COL27A1: variants seen among roughly 807,000 people sequenced by gnomAD.
COL27A1 encodes collagen type XXVII alpha 1 chain.
A neutral mutation model predicts 251.3 loss-of-function variants in COL27A1; 106 were observed. That is an observed-to-expected ratio of 0.42 (90% CI 0.36 to 0.50). COL27A1 has a LOEUF of 0.50. Among genes scored for constraint, COL27A1 ranks in the 20% least tolerant of loss-of-function variants. The probability of loss-of-function intolerance (pLI) is 0.00; values close to 1 mark genes in which losing one functional copy is unlikely to be tolerated. For missense variants in COL27A1, 2,325 were observed against 2,522.8 expected (o/e 0.92, Z 1.68); for synonymous variants, 1,000 against 986.3 (o/e 1.01, Z -0.26).
chr9:114,254,182 A>G (rs1351083208), intron 27 of COL27A1, among the ~76,000 whole-genome samples: 1 of 152,024 alleles, frequency 6.6e-6, no homozygotes, highest in Non-Finnish European at 1.5e-5. Flanking sequence ...AGGCACAAAG[A>G]TGGGAAATGC....
chr9:114,166,143 C>T (rs965418641), intron 2 of COL27A1, among the ~76,000 whole-genome samples: 4 of 151,902 alleles, frequency 2.6e-5, no homozygotes, highest in African/African-American at 9.7e-5. Context: ...ATTTATCCAT[C>T]CATCCGTCCA....
chr9:114,202,685 G>A (rs911208963), intron 7 of COL27A1, among the ~76,000 whole-genome samples: 1 of 152,054 alleles, frequency 6.6e-6, no homozygotes, highest in African/African-American at 2.4e-5. Context: ...AGGCCTTCCT[G>A]TGTTCCCTCC....
intron 35 of COL27A1, among the ~76,000 whole-genome samples, chr9:114,269,746 C>T (rs1835006868): frequency 6.6e-6 from 1 of 152,072 alleles, no homozygotes; most frequent in Admixed American, 6.5e-5. Context: ...ACAAGGAGCA[C>T]AGCAGTGAGT....
At chr9:114,162,693 G>C (rs751637249) in intron 1 of COL27A1, 22 bp from the exon 2 acceptor site, 6 of 1,597,430 alleles carry the variant, frequency 3.8e-6, no homozygotes, top group Non-Finnish European at 5.1e-6. Context: ...TGCCGCCTCT[G>C]CTTGTGTCTC....
In COL27A1 at chr9:114,252,948, G is replaced by T. The variant is rs377465394; in HGVS notation, c.3141+16G>T. On this transcript the variant is annotated intron_variant, in intron 27 of 60. Coordinates refer to ENST00000356083, the MANE Select transcript of COL27A1 (RefSeq NM_032888.4). Reference sequence around the variant, plus strand: ...TGGACCCCAGGTAAGCAAAGCCCTCGTGATCCCTAAGCTCAAACCACTGTC... The same window carrying T: ...TGGACCCCAGGTAAGCAAAGCCCTCTTGATCCCTAAGCTCAAACCACTGTC... The T allele has an allele frequency of 6.2e-7, 1 of 1,607,388 alleles. No individual in the cohort carries two copies.
intron 23 of COL27A1, 118 bp downstream of exon 23, chr9:114,243,678 C>G: frequency 1.3e-6 from 1 of 775,886 alleles, no homozygotes; most frequent in African/African-American, 1.8e-5. Flanking sequence ...AAAATTGGTT[C>G]CTGTTTAGAA....
intron 27 of COL27A1, among the ~76,000 whole-genome samples, chr9:114,256,359 G>A (rs1013063468): frequency 6.6e-6 from 1 of 152,222 alleles, no homozygotes; most frequent in Non-Finnish European, 1.5e-5. Context: ...CGGGCATGGC[G>A]GCGGGCACCT....
At chr9:114,272,042 T>A (rs558517658) in intron 36 of COL27A1, 15 of 152,402 alleles carry the variant, frequency 9.8e-5, no homozygotes, top group African/African-American at 3.4e-4. Context: ...TGACAGCTGC[T>A]CCACACCCTT....
At chr9:114,285,343 C>A (rs1320149416) in intron 41 of COL27A1, among the ~76,000 whole-genome samples, 1 of 152,152 alleles carries the variant, frequency 6.6e-6, no homozygotes, top group South Asian at 2.1e-4. Context: ...ACCCTGCCCC[C>A]CCATGCCAGT....
chr9:114,250,589 C>CT, intron 24 of COL27A1, 26 bp from the exon 25 acceptor site: 1 of 1,608,972 alleles, frequency 6.2e-7, no homozygotes, highest in South Asian at 1.1e-5. Flanking sequence ...CGTTGTTTCT[C>CT]TTGCTTTCGG....
chr9:114,275,685 G>C lies in COL27A1; in HGVS notation c.3634G>C (p.Asp1212His), dbSNP rs1835452149. The part of the protein sequence containing the change: ...LKGDRGDPGP[D>H]GEHGEKGQEG... Reference sequence around the variant, plus strand: ...GGGGGACAGGGGAGACCCAGGGCCTGATGGAGAACATGGCGAGAAAGGCCA... The same window carrying C: ...GGGGGACAGGGGAGACCCAGGGCCTCATGGAGAACATGGCGAGAAAGGCCA... Residue 1212 changes from aspartate (D) to histidine (H), a missense_variant, in exon 37 of 61, where the codon GAT becomes CAT. Asp to His is a moderately conservative substitution (Grantham distance 81, BLOSUM62 -1). This residue lies in a region of COL27A1 where 662 missense variants were observed against 795.3 expected (regional missense o/e 0.83). Transcript: ENST00000356083. 1.3e-6 allele frequency: 2 copies of C among 1,550,172 alleles called. No homozygotes were observed. Among genetic ancestry groups the C allele is most frequent in the African/African-American group, 2.7e-5 (2 of 73,050 alleles).
intron 49 of COL27A1, among the ~76,000 whole-genome samples, chr9:114,298,285 G>T (rs1416333613): frequency 6.6e-6 from 1 of 152,150 alleles, no homozygotes; most frequent in Non-Finnish European, 1.5e-5. Flanking sequence ...CACAAACAGA[G>T]CTACAGATTA....
At chr9:114,248,125 C>A (rs1249710) in intron 24 of COL27A1, among the ~76,000 whole-genome samples, 51,822 of 151,982 alleles carry the variant, frequency 0.34, 8,972 homozygotes, top group Middle Eastern at 0.37. Context: ...CAAGATTGAC[C>A]CTGAGGTCTG....
chr9:114,258,563 C>T lies in COL27A1; in HGVS notation c.3164C>T (p.Pro1055Leu). The change falls in exon 28 of 61, where the codon CCA becomes CTA. Residue 1055 changes from proline (P) to leucine (L), a missense_variant. By Grantham distance (98) the Pro-to-Leu change is moderately conservative. Coordinates refer to ENST00000356083, the MANE Select transcript of COL27A1 (RefSeq NM_032888.4). Reference protein sequence around the residue: ...GPQGPPGSRGPPGMRGAKGRR... With the variant: ...GPQGPPGSRGLPGMRGAKGRR... ...CAGGGTCCTCCAGGATCTCGAGGCC[C>T]ACCAGGCATGAGGGGAGCAAAGGGA... The T allele has an allele frequency of 6.2e-7, 1 of 1,614,108 alleles. No homozygotes were observed. The highest frequency in any genetic ancestry group is 8.5e-7 in the Non-Finnish European group (1 of 1,180,010).
At chr9:114,300,348 A>G in intron 50 of COL27A1, 1 of 597,966 alleles carries the variant, frequency 1.7e-6, no homozygotes, top group Non-Finnish European at 2.9e-6. Flanking sequence ...TAGTCTCTCT[A>G]AGCCTTGGTT....
In COL27A1 at chr9:114,265,459, G is replaced by T; in HGVS notation, c.3377G>T (p.Gly1126Val). 2 of 1,613,890 alleles carry T rather than the reference G, an allele frequency of 1.2e-6. No homozygotes were observed. The highest frequency in any genetic ancestry group is 8.5e-7 in the Non-Finnish European group (1 of 1,179,950). The change falls in exon 32 of 61, where the codon GGC becomes GTC. Residue 1126 changes from glycine (G) to valine (V), a missense_variant. Physicochemically the swap from Gly to Val is moderately radical, Grantham distance 109. Transcript: ENST00000356083. ...PGPSGPPGTK[G>V]LPGEPGPQGP... ...CCCTCAGGCCCCCCAGGCACCAAGGGCCTCCCAGGAGAACCGGTAAGAGCC... is the reference window on the plus strand; with the variant it reads ...CCCTCAGGCCCCCCAGGCACCAAGGTCCTCCCAGGAGAACCGGTAAGAGCC...
At chr9:114,210,081 G>A (rs967026009) in intron 11 of COL27A1, among the ~76,000 whole-genome samples, 77 of 152,300 alleles carry the variant, frequency 5.1e-4, no homozygotes, top group African/African-American at 1.8e-3. Flanking sequence ...GAGGGTATGC[G>A]GAGCCTCTTG....
Position 114,310,816 on chromosome 9 carries a change from A to C in COL27A1, c.*121A>C. 1 of 1,015,452 alleles carries C rather than the reference A, an allele frequency of 9.8e-7. No homozygotes were observed. The highest frequency in any genetic ancestry group is 1.4e-6 in the Non-Finnish European group (1 of 694,656). The allele number at this position is 1,015,452 out of a possible 1,614,324, so 62.9% of individuals were successfully genotyped here. ...CTCCCCTGCCCAAGGGTCCTTGGGC[A>C]GACCCCAGCTGTTGTCTGCCCAGTA... is the stretch of plus-strand genomic sequence containing the variant. On this transcript the variant is annotated 3_prime_UTR_variant, in exon 61 of 61. Coordinates refer to ENST00000356083, the MANE Select transcript of COL27A1 (RefSeq NM_032888.4).
chr9:114,166,426 T>C (rs1848883773), intron 2 of COL27A1, among the ~76,000 whole-genome samples: 1 of 129,280 alleles, frequency 7.7e-6, no homozygotes, highest in African/African-American at 2.7e-5. Flanking sequence ...TATCCATTCA[T>C]CCATCCATCC....
Sources: allele counts gnomAD v4.1 joint callset (sites outside exome capture counted in the v4.1 genomes callset), GRCh38; gene constraint gnomAD v4.1.1; regional missense constraint gnomAD v4.1.1; transcripts MANE v1.5; gene names NCBI Gene and HGNC (gene_info 2026-07-23, HGNC 2026-07-21).